KCNE4: variants seen among roughly 807,000 people sequenced by gnomAD.
The protein encoded by KCNE4 is potassium voltage-gated channel subfamily E member 4.
KCNE4 carries 6 observed loss-of-function variants against 9.2 expected under a neutral mutation model. The ratio of observed to expected loss-of-function variants is 0.65; its 90% confidence interval spans 0.36 to 1.29. KCNE4 has a LOEUF of 1.29. Among genes scored for constraint, KCNE4 ranks in the 50% most tolerant of loss-of-function variants. KCNE4 has a pLI of 0.03. For synonymous variants in KCNE4, 115 were observed against 103.2 expected, an observed-to-expected ratio of 1.11 and a Z score of -0.70; for missense variants, 222 against 228.8, an observed-to-expected ratio of 0.97 and a Z score of 0.19.
rs41311847 is a variant in KCNE4, at chr2:223,055,535, G to A, written c.*2192G>A. On this transcript the variant is annotated 3_prime_UTR_variant, in exon 2 of 2. Transcript: ENST00000281830. ...GTATATACTTCCTTCTTATTCTGTT[G>A]AGTTGTATAGAATTGTCTTTTGTAT... The A allele has an allele frequency of 2.4e-5, 4 of 166,926 alleles. No homozygotes were observed. The highest frequency in any genetic ancestry group is 9.7e-5 in the African/African-American group (4 of 41,420). The allele number at this position is 166,926 out of a possible 1,614,324, so 10.3% of individuals were successfully genotyped here.
In KCNE4 at chr2:223,052,876, G is replaced by T. The variant is rs762566965; in HGVS notation, c.46G>T (p.Ala16Ser). ...PLNSTHPGTA[A>S]SSSPLESRAA... ...GAACAGCACGCACCCCGGCACCGCC[G>T]CCTCCAGCAGCCCCCTGGAGTCCCG... The change falls in exon 2 of 2, where the codon GCC (alanine) becomes TCC (serine). Residue 16 changes from alanine to serine, a missense_variant. Transcript: ENST00000281830. The T allele has an allele frequency of 2.4e-5, 38 of 1,613,666 alleles. No homozygotes were observed. Among genetic ancestry groups the T allele is most frequent in the Non-Finnish European group, 3.1e-5 (36 of 1,179,974 alleles).
chr2:223,052,366 T>G, intron 1 of KCNE4, 92 bp downstream of exon 1: 3 of 958,616 alleles, frequency 3.1e-6, no homozygotes, highest in Non-Finnish European at 4.1e-6. Flanking sequence ...CTTTATTTTC[T>G]TCCTGCTTTT....
rs898612664 is a variant in KCNE4 at position 223,053,612 on chromosome 2, G to C, written c.*269G>C. On this transcript the variant is annotated 3_prime_UTR_variant, in exon 2 of 2. Transcript: ENST00000281830. The surrounding 1 kb of genome is among the most constrained non-coding windows in gnomAD (Gnocchi z 4.1). ...ACACTGACTTTGGGGCCTGGGTGTTGGGGTTCTGATCAGAATTTGGCGGGA... is the reference window on the plus strand; with the variant it reads ...ACACTGACTTTGGGGCCTGGGTGTTCGGGTTCTGATCAGAATTTGGCGGGA... 2 of 513,342 alleles carry C rather than the reference G, an allele frequency of 3.9e-6. No individual in the cohort carries two copies. The highest frequency in any genetic ancestry group is 7.3e-6 in the Non-Finnish European group (2 of 274,454). The allele number at this position is 513,342 out of a possible 1,614,324, so 31.8% of individuals were successfully genotyped here. A position where few individuals can be genotyped will look rare whatever the true frequency, so the allele number is the denominator to read the frequency against.
At position 223,054,768 on chromosome 2, in the gene KCNE4, G is replaced by A. The variant is rs764741265; in HGVS notation, c.*1425G>A. ...AAGTATTCCTGTGGTCAACAGTTTC[G>A]CAGATCCGTTAGGCCCTTAAAGACA... On this transcript the variant is annotated 3_prime_UTR_variant, in exon 2 of 2. Coordinates refer to ENST00000281830, the MANE Select transcript of KCNE4 (RefSeq NM_080671.4). The A allele has an allele frequency of 3.6e-5, 6 of 166,764 alleles. No homozygotes were observed. Among genetic ancestry groups the A allele is most frequent in the African/African-American group, 9.7e-5 (4 of 41,442 alleles). 10.3% of individuals were successfully genotyped at this position (166,764 alleles called of 1,614,324 possible).
In KCNE4 at chr2:223,053,730, G is replaced by A. The variant is rs1198385267; in HGVS notation, c.*387G>A. The A allele has an allele frequency of 1.5e-5, 4 of 275,052 alleles. No homozygotes were observed. The highest frequency in any genetic ancestry group is 8.6e-5 in the African/African-American group (4 of 46,258). The allele number at this position is 275,052 out of a possible 1,614,324, so 17.0% of individuals were successfully genotyped here. On this transcript the variant is annotated 3_prime_UTR_variant, in exon 2 of 2. Transcript: ENST00000281830. The surrounding 1 kb of genome is among the most constrained non-coding windows in gnomAD (Gnocchi z 4.1). ...CTGCCGAATGCTTAGGACACGCTGAGAGACTAGTTGTGATTTGCTATTTTG... is the reference window on the plus strand; with the variant it reads ...CTGCCGAATGCTTAGGACACGCTGAAAGACTAGTTGTGATTTGCTATTTTG...
rs1279044307 is a variant in KCNE4 at position 223,052,856 on chromosome 2, G to A, written c.26G>A (p.Ser9Asn). 8 of 1,612,984 alleles carry A rather than the reference G, an allele frequency of 5.0e-6. No homozygotes were observed. The highest frequency in any genetic ancestry group is 6.8e-6 in the Non-Finnish European group (8 of 1,179,966). Residue 9 changes from serine to asparagine, a missense_variant, in exon 2 of 2, where the codon AGC (serine) becomes AAC (asparagine). By Grantham distance (46) the Ser-to-Asn change is conservative (BLOSUM62 1). Coordinates refer to ENST00000281830, the MANE Select transcript of KCNE4 (RefSeq NM_080671.4). Reference sequence around the variant, plus strand: ...ATGCTGAAAATGGAGCCTCTGAACAGCACGCACCCCGGCACCGCCGCCTCC... The same window carrying A: ...ATGCTGAAAATGGAGCCTCTGAACAACACGCACCCCGGCACCGCCGCCTCC... MLKMEPLNSTHPGTAASSS... is the reference protein window; with the variant it reads MLKMEPLNNTHPGTAASSS...
Position 223,055,080 on chromosome 2 carries a change from A to C in KCNE4, c.*1737A>C. The C allele has an allele frequency of 6.4e-6, 1 of 157,020 alleles. No individual in the cohort carries two copies. The highest frequency in any genetic ancestry group is 2.0e-4 in the East Asian group (1 of 5,078). 9.7% of individuals were successfully genotyped at this position (157,020 alleles called of 1,614,324 possible). A position where few individuals can be genotyped will look rare whatever the true frequency, so the allele number is the denominator to read the frequency against. The stretch of plus-strand genomic sequence containing the variant: ...GCCATTTTGGCCAGGCTGGTCTCAA[A>C]CTCCTGGCCTTAAATGATCCTCCCA... On this transcript the variant is annotated 3_prime_UTR_variant, in exon 2 of 2. Transcript: ENST00000281830.
rs770219841 is a variant in KCNE4 at position 223,053,055 on chromosome 2, C to T, written c.225C>T (p.Asp75=). The change falls in exon 2 of 2, where the codon GAC becomes GAT. Residue 75 remains aspartate, a synonymous_variant. Coordinates refer to ENST00000281830, the MANE Select transcript of KCNE4 (RefSeq NM_080671.4). This position sits in a 1 kb window ranked among gnomAD's most constrained non-coding sequence, Gnocchi z 4.1. ...KKSSLLLLYK[D]EERLWGEAMK... The stretch of plus-strand genomic sequence containing the variant: ...CCAGCCTCCTGCTGCTGTACAAAGA[C>T]GAGGAGCGGCTCTGGGGGGAGGCCA... The T allele has an allele frequency of 1.9e-5, 30 of 1,614,010 alleles. No individual in the cohort carries two copies. The Middle Eastern group carries it at 8.2e-4, about 44-fold the overall frequency.
Position 223,053,212 on chromosome 2 carries a change from G to T in KCNE4, c.382G>T (p.Glu128Ter). The change falls in exon 2 of 2, where the codon GAG becomes TAG. Residue 128 changes from glutamate (E) to a stop codon, truncating the protein, a stop_gained. Coordinates refer to ENST00000281830, the MANE Select transcript of KCNE4 (RefSeq NM_080671.4). LOFTEE classifies it high-confidence loss of function. This position sits in a 1 kb window ranked among gnomAD's most constrained non-coding sequence, Gnocchi z 4.1. ...CSMEGDSVSS[E>*]SSSPDVHLTI... is the part of the protein sequence containing the mutation. The stretch of plus-strand genomic sequence containing the variant: ...CATGGAAGGGGACAGCGTGAGCTCC[G>T]AGTCCTCCTCCCCGGACGTGCACCT... 1 of 1,613,054 alleles carries T rather than the reference G, an allele frequency of 6.2e-7. No individual in the cohort carries two copies. The highest frequency in any genetic ancestry group is 8.5e-7 in the Non-Finnish European group (1 of 1,179,386).
At position 223,052,252 on chromosome 2, in the gene KCNE4, C is replaced by T. The variant is rs968401041; in HGVS notation, c.-46C>T. Reference sequence around the variant, plus strand: ...GACTGGACGATTTGGGAATTCAAAACTTGGGACAAACTGTCAGCCTTGGTA... The same window carrying T: ...GACTGGACGATTTGGGAATTCAAAATTTGGGACAAACTGTCAGCCTTGGTA... On this transcript the variant is annotated 5_prime_UTR_variant, in exon 1 of 2. Transcript: ENST00000281830. 8.1e-7 allele frequency: 1 copy of T among 1,235,128 alleles called. No homozygotes were observed. Among genetic ancestry groups the T allele is most frequent in the African/African-American group, 1.6e-5 (1 of 64,422 alleles). The allele number at this position is 1,235,128 out of a possible 1,614,324, so 76.5% of individuals were successfully genotyped here. A position where few individuals can be genotyped will look rare whatever the true frequency, so the allele number is the denominator to read the frequency against.
At chr2:223,052,320 G>A (rs1698705766) in intron 1 of KCNE4, 46 bp downstream of exon 1, 2 of 1,231,728 alleles carry the variant, frequency 1.6e-6, no homozygotes. Flanking sequence ...ATTTGAAAGA[G>A]GGACATTTTT....
rs1189741651 is a variant in KCNE4, at chr2:223,053,381, C to G, written c.*38C>G. ...CCCTGCCGGTGGCTCCATCAGCCAG[C>G]AACCTTAGAGAGAGGAAAGACAGTT... On this transcript the variant is annotated 3_prime_UTR_variant, in exon 2 of 2. Transcript: ENST00000281830. The surrounding 1 kb of genome is among the most constrained non-coding windows in gnomAD (Gnocchi z 4.1). The G allele has an allele frequency of 1.9e-6, 3 of 1,578,286 alleles. No homozygotes were observed.
rs1243218756 is a variant in KCNE4 at position 223,054,904 on chromosome 2, C to T, written c.*1561C>T. 6.0e-6 allele frequency: 1 copy of T among 166,604 alleles called. No individual in the cohort carries two copies. The highest frequency in any genetic ancestry group is 1.5e-5 in the Non-Finnish European group (1 of 68,120). The allele number at this position is 166,604 out of a possible 1,614,324, so 10.3% of individuals were successfully genotyped here. On this transcript the variant is annotated 3_prime_UTR_variant, in exon 2 of 2. Coordinates refer to ENST00000281830, the MANE Select transcript of KCNE4 (RefSeq NM_080671.4). ...ACAGAATCTCGCTCTGTTGCCCAGGCTGGAGTGCAGTGGTGCAATCTTGGC... is the reference window on the plus strand; with the variant it reads ...ACAGAATCTCGCTCTGTTGCCCAGGTTGGAGTGCAGTGGTGCAATCTTGGC...
chr2:223,052,875 C>G lies in KCNE4; in HGVS notation c.45C>G (p.Ala15=). The stretch of plus-strand genomic sequence containing the variant: ...TGAACAGCACGCACCCCGGCACCGC[C>G]GCCTCCAGCAGCCCCCTGGAGTCCC... The part of the protein sequence containing the change: ...EPLNSTHPGT[A]ASSSPLESRA... Residue 15 remains alanine (A), a synonymous_variant, in exon 2 of 2, where the codon GCC becomes GCG. Coordinates refer to ENST00000281830, the MANE Select transcript of KCNE4 (RefSeq NM_080671.4). 6.2e-7 allele frequency: 1 copy of G among 1,613,848 alleles called. No individual in the cohort carries two copies. The highest frequency in any genetic ancestry group is 1.1e-5 in the South Asian group (1 of 91,084).
Position 223,053,646 on chromosome 2 carries a change from T to G in KCNE4, c.*303T>G. ...ATCAGAATTTGGCGGGATGATATGT[T>G]TGCCATTTTCTCACTGGATGCCCTG... On this transcript the variant is annotated 3_prime_UTR_variant, in exon 2 of 2. Coordinates refer to ENST00000281830, the MANE Select transcript of KCNE4 (RefSeq NM_080671.4). This position sits in a 1 kb window ranked among gnomAD's most constrained non-coding sequence, Gnocchi z 4.1. 1 of 416,146 alleles carries G rather than the reference T, an allele frequency of 2.4e-6. No homozygotes were observed. Among genetic ancestry groups the G allele is most frequent in the Non-Finnish European group, 4.7e-6 (1 of 214,264 alleles). The allele number at this position is 416,146 out of a possible 1,614,324, so 25.8% of individuals were successfully genotyped here.
chr2:223,053,714 G>A lies in KCNE4; in HGVS notation c.*371G>A. ...CTGCCTGTTCCCAGGGCTGCCGAAT[G>A]CTTAGGACACGCTGAGAGACTAGTT... is the stretch of plus-strand genomic sequence containing the variant. On this transcript the variant is annotated 3_prime_UTR_variant, in exon 2 of 2. Coordinates refer to ENST00000281830, the MANE Select transcript of KCNE4 (RefSeq NM_080671.4). This position sits in a 1 kb window ranked among gnomAD's most constrained non-coding sequence, Gnocchi z 4.1. 3.2e-6 allele frequency: 1 copy of A among 316,486 alleles called. No homozygotes were observed. Among genetic ancestry groups the A allele is most frequent in the East Asian group, 7.2e-5 (1 of 13,828 alleles). 19.6% of individuals were successfully genotyped at this position (316,486 alleles called of 1,614,324 possible). A position where few individuals can be genotyped will look rare whatever the true frequency, so the allele number is the denominator to read the frequency against.
chr2:223,052,978 T>C lies in KCNE4; in HGVS notation c.148T>C (p.Leu50=), dbSNP rs1030596565. 2.5e-6 allele frequency: 4 copies of C among 1,614,102 alleles called. No individual in the cohort carries two copies. The highest frequency in any genetic ancestry group is 3.4e-6 in the Non-Finnish European group (4 of 1,180,036). The part of the protein sequence containing the change: ...LVVMSFYGIF[L]IGIMLGYMKS... ...TGTCATGTCCTTCTACGGCATTTTC[T>C]TGATCGGAATCATGCTGGGCTACAT... Residue 50 remains leucine, a synonymous_variant, in exon 2 of 2, where the codon TTG becomes CTG. Transcript: ENST00000281830.
intron 1 of KCNE4, 25 bp from the exon 2 acceptor site, chr2:223,052,783 T>G (rs1457278645): frequency 1.2e-6 from 2 of 1,600,420 alleles, no homozygotes; most frequent in African/African-American, 2.7e-5. Context: ...TGGGGGAGAG[T>G]TCTAACCTGC....
In KCNE4 at chr2:223,053,574, A is replaced by G. The variant is rs933240882; in HGVS notation, c.*231A>G. On this transcript the variant is annotated 3_prime_UTR_variant, in exon 2 of 2. Transcript: ENST00000281830. This position sits in a 1 kb window ranked among gnomAD's most constrained non-coding sequence, Gnocchi z 4.1. ...ACCCACCACTGAAAAAGCCGCGGAG[A>G]TGCGCAGCGCGTACACTGACTTTGG... 6.8e-6 allele frequency: 4 copies of G among 585,958 alleles called. No individual in the cohort carries two copies. Among genetic ancestry groups the G allele is most frequent in the Admixed American group, 3.0e-5 (1 of 33,256 alleles). The allele number at this position is 585,958 out of a possible 1,614,324, so 36.3% of individuals were successfully genotyped here.
Sources: allele counts gnomAD v4.1 joint callset, GRCh38; gene constraint gnomAD v4.1.1; non-coding constraint Gnocchi (gnomAD v3.1); transcripts MANE v1.5; gene names NCBI Gene and HGNC (gene_info 2026-07-23, HGNC 2026-07-21).